Variants in TMEM11 observed in about 807,000 individuals in gnomAD.
TMEM11 encodes transmembrane protein 11, mitochondrial.
In TMEM11, 1 loss-of-function variant was observed where a neutral mutation model predicts 17.0. The observed-to-expected ratio is 0.06, with a 90% CI of 0.02 to 0.28. The LOEUF is 0.28. TMEM11 is among the 10% of genes least tolerant of loss of function. The pLI is 1.00. For synonymous variants in TMEM11, 122 were observed against 118.1 expected, an observed-to-expected ratio of 1.03 and a Z score of -0.21; for missense variants, 172 against 252.9, an observed-to-expected ratio of 0.68 and a Z score of 2.17.
chr17:21,198,558 G>A lies in TMEM11; in HGVS notation c.345C>T (p.Ser115=). The A allele has an allele frequency of 6.2e-7, 1 of 1,614,196 alleles. No individual in the cohort carries two copies. The highest frequency in any genetic ancestry group is 2.2e-5 in the East Asian group (1 of 44,890). The change falls in exon 2 of 2, where the codon AGC becomes AGT. Residue 115 remains serine, a synonymous_variant. Coordinates refer to ENST00000317635, the MANE Select transcript of TMEM11 (RefSeq NM_003876.3). The surrounding 1 kb of genome is among the most constrained non-coding windows in gnomAD (Gnocchi z 6.5). The part of the protein sequence containing the change: ...HYISLPAGVL[S]LACCTLYGIS... Reference sequence around the variant, plus strand: ...TCCCATAGAGGGTGCAGCAGGCCAGGCTCAGCACACCAGCGGGCAGGGAAA... The same window carrying A: ...TCCCATAGAGGGTGCAGCAGGCCAGACTCAGCACACCAGCGGGCAGGGAAA...
intron 1 of TMEM11, among the ~76,000 whole-genome samples, chr17:21,209,468 TA>T (rs1974979163): frequency 6.6e-6 from 1 of 152,180 alleles, no homozygotes; most frequent in South Asian, 2.1e-4. Flanking sequence ...TTAGACATCT[TA>T]AAAAATTCAG....
rs927736298 is a variant in TMEM11, at chr17:21,205,893, T to C, written c.63-7053A>G. Among the ~76,000 whole-genome samples, 9 of 152,240 alleles carry C rather than the reference T, an allele frequency of 5.9e-5. No individual in the cohort carries two copies. The East Asian group carries it at 1.7e-3, about 29-fold the overall frequency. On this transcript the variant is annotated intron_variant, in intron 1 of 1. Coordinates refer to ENST00000317635, the MANE Select transcript of TMEM11 (RefSeq NM_003876.3). ...TAGCATGTATCCGAATTTTCTTCCTTTTTAAGGCTCAGTAATGTTCCACCG... is the reference window on the plus strand; with the variant it reads ...TAGCATGTATCCGAATTTTCTTCCTCTTTAAGGCTCAGTAATGTTCCACCG...
intron 1 of TMEM11, among the ~76,000 whole-genome samples, chr17:21,205,641 A>G (rs1597771740): frequency 6.6e-6 from 1 of 152,036 alleles, no homozygotes; most frequent in South Asian, 2.1e-4. Context: ...CATCACCACC[A>G]TCCACCTCCA....
At position 21,199,967 on chromosome 17, in the gene TMEM11, C is replaced by T. The variant is rs145951639; in HGVS notation, c.63-1127G>A. ...ATGCCACCAATTCTGGCCCTGTAGG[C>T]CCAGGCCCCTGCACCACCGGCAAAT... is the stretch of plus-strand genomic sequence containing the variant. On this transcript the variant is annotated intron_variant, in intron 1 of 1. Transcript: ENST00000317635. Among the ~76,000 whole-genome samples the T allele has an allele frequency of 1.9e-3, 294 of 152,328 alleles. 2 individuals are homozygous for T. Among genetic ancestry groups the T allele is most frequent in the African/African-American group, 6.7e-3 (279 of 41,582 alleles).
intron 1 of TMEM11, among the ~76,000 whole-genome samples, chr17:21,203,444 C>T (rs750101209): frequency 3.3e-5 from 5 of 152,198 alleles, no homozygotes; most frequent in Non-Finnish European, 7.3e-5. Flanking sequence ...TGACCAGGTG[C>T]GGTGGCTCAC....
intron 1 of TMEM11, among the ~76,000 whole-genome samples, chr17:21,209,281 A>G (rs1285927666): frequency 6.6e-6 from 1 of 152,246 alleles, no homozygotes; most frequent in South Asian, 2.1e-4. Context: ...TCGGCTGCCT[A>G]CTGGCTTTGT....
chr17:21,213,403 A>G (rs1415189653), intron 1 of TMEM11: 1 of 152,240 alleles, frequency 6.6e-6, no homozygotes, highest in Non-Finnish European at 1.5e-5. Flanking sequence ...AGTTATTCAA[A>G]TGGAGGTCCC....
chr17:21,205,714 AC>A (rs1974935149), intron 1 of TMEM11, among the ~76,000 whole-genome samples: 1 of 151,538 alleles, frequency 6.6e-6, no homozygotes, highest in Non-Finnish European at 1.5e-5. Context: ...TTCCCCACCA[AC>A]CCCAAGCCCC....
chr17:21,199,148 G>A (rs978473602), intron 1 of TMEM11, among the ~76,000 whole-genome samples: 1 of 73,352 alleles, frequency 1.4e-5, no homozygotes, highest in African/African-American at 4.6e-5. Context: ...GTGAAACCCT[G>A]TCTCTACTAA....
At chr17:21,213,916 C>T (rs1414842488) in intron 1 of TMEM11, 175 bp downstream of exon 1, 5 of 645,972 alleles carry the variant, frequency 7.7e-6, no homozygotes, top group Non-Finnish European at 1.3e-5. Flanking sequence ...AGGCCTTCGA[C>T]CTCGCTCCCA....
chr17:21,206,277 A>G (rs1974941822), intron 1 of TMEM11, among the ~76,000 whole-genome samples: 1 of 152,132 alleles, frequency 6.6e-6, no homozygotes, highest in Non-Finnish European at 1.5e-5. Flanking sequence ...GCTGGAGCGC[A>G]ATGGCGCTAT....
intron 1 of TMEM11, among the ~76,000 whole-genome samples, chr17:21,201,288 C>G (rs1245252081): frequency 1.3e-5 from 2 of 152,200 alleles, no homozygotes; most frequent in Non-Finnish European, 2.9e-5. Context: ...AACTCTTTAT[C>G]CTGAAAAAGT....
intron 1 of TMEM11, chr17:21,213,361 G>A (rs947888473): frequency 2.6e-5 from 4 of 152,130 alleles, no homozygotes; most frequent in Admixed American, 1.3e-4. Flanking sequence ...CATGAAACAC[G>A]GAAACTACTC....
chr17:21,209,817 C>A (rs751640484), intron 1 of TMEM11, among the ~76,000 whole-genome samples: 2 of 152,156 alleles, frequency 1.3e-5, no homozygotes, highest in African/African-American at 2.4e-5. Flanking sequence ...CCACACGTGG[C>A]TAATGGCTGC....
At chr17:21,200,763 T>C (rs1285125376) in intron 1 of TMEM11, among the ~76,000 whole-genome samples, 2 of 152,188 alleles carry the variant, frequency 1.3e-5, no homozygotes, top group Non-Finnish European at 2.9e-5. Context: ...CAGCCCTCAG[T>C]GTGCACAGAC....
intron 1 of TMEM11, among the ~76,000 whole-genome samples, chr17:21,206,575 C>T (rs1184075300): frequency 6.6e-6 from 1 of 152,008 alleles, no homozygotes; most frequent in African/African-American, 2.4e-5. Flanking sequence ...TCACTCTTGT[C>T]ACCCAGACTG....
At chr17:21,204,259 C>A (rs1974917545) in intron 1 of TMEM11, among the ~76,000 whole-genome samples, 1 of 151,106 alleles carries the variant, frequency 6.6e-6, no homozygotes, top group Non-Finnish European at 1.5e-5. Flanking sequence ...CACGGTGAAA[C>A]CCTGTCTCTG....
intron 1 of TMEM11, chr17:21,213,821 C>G (rs541339496): frequency 5.1e-5 from 25 of 490,980 alleles, no homozygotes; most frequent in African/African-American, 3.7e-4. Context: ...CCTTTCAGCA[C>G]GGCCCGGCCT....
intron 1 of TMEM11, among the ~76,000 whole-genome samples, chr17:21,203,414 A>C (rs1974904852): frequency 6.6e-6 from 1 of 152,202 alleles, no homozygotes; most frequent in South Asian, 2.1e-4. Context: ...CACTTCTCTT[A>C]CTTCAGAAAT....
Sources: gnomAD v4.1 joint callset for allele counts (sites outside exome capture counted in the v4.1 genomes callset) on GRCh38, gnomAD v4.1.1 for gene constraint, Gnocchi (gnomAD v3.1) non-coding constraint, MANE v1.5 for transcripts, NCBI Gene and HGNC (gene_info 2026-07-23, HGNC 2026-07-21) for gene names.